The following TECPR1 variants were observed in gnomAD, a reference collection of about 807,000 sequenced individuals.
TECPR1 encodes the protein tectonin beta-propeller repeat-containing protein 1.
Under a neutral mutation model 162.4 loss-of-function variants are expected in TECPR1, and 122 were observed. The ratio of observed to expected loss-of-function variants is 0.75; its 90% confidence interval spans 0.65 to 0.87. TECPR1 has a LOEUF of 0.87. TECPR1 is among the 40% of genes least tolerant of loss of function. The pLI, the probability that TECPR1 is intolerant of heterozygous loss-of-function variation, is 0.00. For missense variants in TECPR1, 1,432 were observed against 1,618.2 expected (o/e 0.88, Z 1.97); for synonymous variants, 642 against 670.6 (o/e 0.96, Z 0.66).
chr7:98,222,047 G>A (rs1373907741), intron 22 of TECPR1, among the ~76,000 whole-genome samples: 1 of 152,236 alleles, frequency 6.6e-6, no homozygotes, highest in Non-Finnish European at 1.5e-5. Flanking sequence ...CTGTGCAGAG[G>A]GCAGCTGAGT....
At chr7:98,224,942 G>A (rs1418750649) in intron 18 of TECPR1, 62 bp from the exon 19 acceptor site, 25 of 1,544,406 alleles carry the variant, frequency 1.6e-5, no homozygotes, top group Middle Eastern at 1.7e-4. Context: ...CAGAACACTC[G>A]AGGAGGGGCA....
At chr7:98,227,980 G>A (rs1219681214) in intron 17 of TECPR1, 34 bp downstream of exon 17, 5 of 1,576,090 alleles carry the variant, frequency 3.2e-6, no homozygotes, top group Non-Finnish European at 4.3e-6. Flanking sequence ...GCCTATGCCA[G>A]GCAGCATCCT....
At position 98,241,709 on chromosome 7, in the gene TECPR1, T is replaced by A. The variant is rs1798753805; in HGVS notation, c.658-465A>T. ...TCTGAACTGTTTGGCTCATTTTAGC[T>A]GGGGGAGACTACATGTCACTTCGTG... On this transcript the variant is annotated intron_variant, in intron 6 of 25. Transcript: ENST00000447648. This position sits in a 1 kb window ranked among gnomAD's most constrained non-coding sequence, Gnocchi z 5.0. Among the ~76,000 whole-genome samples, 1 of 152,194 alleles carries A rather than the reference T, an allele frequency of 6.6e-6. No homozygotes were observed. The highest frequency in any genetic ancestry group is 6.5e-5 in the Admixed American group (1 of 15,288).
chr7:98,244,906 T>A lies in TECPR1; in HGVS notation c.387A>T (p.Gly129=). The A allele has an allele frequency of 6.2e-7, 1 of 1,612,794 alleles. No individual in the cohort carries two copies. The highest frequency in any genetic ancestry group is 1.3e-5 in the African/African-American group (1 of 74,942). Residue 129 remains glycine (G), a synonymous_variant, in exon 4 of 26, where the codon GGA becomes GGT. Coordinates refer to ENST00000447648, the MANE Select transcript of TECPR1 (RefSeq NM_015395.3). ...CTACCCCTTTCTCAGTGGGTTCACC[T>A]CCAAAATTCTCATCCACGTACCAGT... is the stretch of plus-strand genomic sequence containing the variant. ...ESDWYVDENF[G]GEPTEKGGWT...
In TECPR1 at chr7:98,231,204, G is replaced by A. The variant is rs575977147; in HGVS notation, c.2124+20C>T. 17 of 1,610,456 alleles carry A rather than the reference G, an allele frequency of 1.1e-5. No homozygotes were observed. Among genetic ancestry groups the A allele is most frequent in the Middle Eastern group, 1.7e-4 (1 of 6,056 alleles). Reference sequence around the variant, plus strand: ...ATGGCTATCCCTCCCCCCGGCCCGAGGGGACCACCGACCACTCACCCAGTC... The same window carrying A: ...ATGGCTATCCCTCCCCCCGGCCCGAAGGGACCACCGACCACTCACCCAGTC... On this transcript the variant is annotated intron_variant, in intron 14 of 25. Coordinates refer to ENST00000447648, the MANE Select transcript of TECPR1 (RefSeq NM_015395.3).
At chr7:98,219,617 T>C (rs1251263767) in intron 23 of TECPR1, among the ~76,000 whole-genome samples, 2 of 152,218 alleles carry the variant, frequency 1.3e-5, no homozygotes, top group Admixed American at 6.5e-5. Context: ...AAAGAAGATA[T>C]GCGGCTGGGC....
At chr7:98,228,897 G>A in intron 16 of TECPR1, 142 bp downstream of exon 16, 2 of 1,227,334 alleles carry the variant, frequency 1.6e-6, no homozygotes, top group Non-Finnish European at 2.2e-6. Flanking sequence ...GAGGCTGGCA[G>A]TGGTGAAGGT....
At chr7:98,228,391 T>G in intron 16 of TECPR1, 3 of 421,626 alleles carry the variant, frequency 7.1e-6, no homozygotes, top group South Asian at 2.4e-5. Context: ...CCAGCGCCTC[T>G]TCCCACCTTG....
At chr7:98,231,499 C>T in intron 13 of TECPR1, 126 bp from the exon 14 acceptor site, 2 of 989,242 alleles carry the variant, frequency 2.0e-6, no homozygotes, top group East Asian at 5.3e-5. Context: ...CACCCCCAGC[C>T]CTGCCCCCTC....
Position 98,221,620 on chromosome 7 carries a change from C to T in TECPR1, c.3157+41G>A. 3 of 1,584,494 alleles carry T rather than the reference C, an allele frequency of 1.9e-6. No individual in the cohort carries two copies. In the South Asian group the frequency reaches 3.3e-5, roughly 18 times the overall value. On this transcript the variant is annotated intron_variant, in intron 23 of 25. Coordinates refer to ENST00000447648, the MANE Select transcript of TECPR1 (RefSeq NM_015395.3). Reference sequence around the variant, plus strand: ...GAGATTACAGGTGTGAGCCACCATGCCCAGCCAAAACATTAAAAATTTAAA... The same window carrying T: ...GAGATTACAGGTGTGAGCCACCATGTCCAGCCAAAACATTAAAAATTTAAA...
chr7:98,243,634 T>G (rs775162252), intron 5 of TECPR1, 42 bp from the exon 6 acceptor site: 3 of 1,591,448 alleles, frequency 1.9e-6, no homozygotes, highest in Non-Finnish European at 2.6e-6. Flanking sequence ...CAGCGCCCAG[T>G]GGGCACCTGG....
chr7:98,230,924 C>G (rs750240491), intron 15 of TECPR1, 37 bp downstream of exon 15: 2 of 1,589,870 alleles, frequency 1.3e-6, no homozygotes, highest in African/African-American at 2.7e-5. Context: ...GGGGTGAGGC[C>G]AGGCCCCAGA....
intron 2 of TECPR1, among the ~76,000 whole-genome samples, chr7:98,247,178 G>A (rs761667594): frequency 4.6e-5 from 7 of 151,512 alleles, no homozygotes; most frequent in African/African-American, 1.2e-4. Context: ...GGTCTTGCTC[G>A]GTCACCCAGG....
chr7:98,236,721 G>T, intron 10 of TECPR1, 55 bp downstream of exon 10: 1 of 1,559,828 alleles, frequency 6.4e-7, no homozygotes. Context: ...TGACCACCTA[G>T]GCTCAGACGG....
chr7:98,218,106 C>A, intron 23 of TECPR1, 64 bp from the exon 24 acceptor site: 1 of 1,386,164 alleles, frequency 7.2e-7, no homozygotes, highest in Non-Finnish European at 9.9e-7. Context: ...CCCGTGCGGC[C>A]CGGCAGCCGG....
chr7:98,234,450 G>A (rs143172599), intron 10 of TECPR1, among the ~76,000 whole-genome samples: 2 of 152,244 alleles, frequency 1.3e-5, no homozygotes, highest in East Asian at 1.9e-4. Flanking sequence ...CACCGCGCCC[G>A]ATCATAAACC....
At position 98,230,964 on chromosome 7, in the gene TECPR1, T is replaced by C. The variant is rs1433500918; in HGVS notation, c.2279A>G (p.Gln760Arg). Residue 760 changes from glutamine (Q) to arginine (R), a missense_variant, in exon 15 of 26, where the codon CAG becomes CGG. Transcript: ENST00000447648. Reference sequence around the variant, plus strand: ...ACCCAGAGTGCGGCTCACTCACATCTGGTCGCAGGGCAGGGGGTGCTCGTG... The same window carrying C: ...ACCCAGAGTGCGGCTCACTCACATCCGGTCGCAGGGCAGGGGGTGCTCGTG... ...EAHEHPLPCD[Q>R]MFWRQMGGHL... The C allele has an allele frequency of 6.2e-7, 1 of 1,610,908 alleles. No homozygotes were observed. Among genetic ancestry groups the C allele is most frequent in the Non-Finnish European group, 8.5e-7 (1 of 1,178,962 alleles).
Position 98,225,038 on chromosome 7 carries a change from C to T in TECPR1, c.2578G>A (p.Gly860Ser). The T allele has an allele frequency of 6.4e-7, 1 of 1,558,738 alleles. No individual in the cohort carries two copies. The highest frequency in any genetic ancestry group is 1.2e-5 in the South Asian group (1 of 84,084). The change falls in exon 18 of 26, where the codon GGC (glycine) becomes AGC (serine). Residue 860 changes from glycine (G) to serine (S), a missense_variant. Physicochemically the swap from Gly to Ser is moderately conservative, Grantham distance 56. Coordinates refer to ENST00000447648, the MANE Select transcript of TECPR1 (RefSeq NM_015395.3). ...ASGLQECTKAGTKPPSLQWAW... is the reference protein window; with the variant it reads ...ASGLQECTKASTKPPSLQWAW... ...CACTGCAGGGACGGGGGCTTCGTGC[C>T]AGCCTTCGTGCACTCCTGCAGCCCC...
intron 6 of TECPR1, among the ~76,000 whole-genome samples, chr7:98,242,052 T>C (rs1003623555): frequency 2.0e-5 from 3 of 152,204 alleles, no homozygotes; most frequent in African/African-American, 4.8e-5. Flanking sequence ...CGATGGGGGC[T>C]CAGTCCTGGG....
Sources: allele counts gnomAD v4.1 joint callset (sites outside exome capture counted in the v4.1 genomes callset), GRCh38; gene constraint gnomAD v4.1.1; non-coding constraint Gnocchi (gnomAD v3.1); transcripts MANE v1.5; gene names NCBI Gene and HGNC (gene_info 2026-07-23, HGNC 2026-07-21).